Variants in RAD50 observed in about 807,000 individuals in gnomAD.
The protein encoded by RAD50 is RAD50 double strand break repair protein.
In RAD50, 132 loss-of-function variants were observed where a neutral mutation model predicts 168.8. The observed-to-expected ratio is 0.78, with a 90% CI of 0.68 to 0.90. The LOEUF is 0.90. Ranked by LOEUF, RAD50 falls within the 40% of genes least tolerant of loss-of-function variation. The pLI is 0.00. For missense variants in RAD50, 1,347 were observed against 1,534.4 expected, an observed-to-expected ratio of 0.88 and a Z score of 2.04; for synonymous variants, 525 against 497.4, an observed-to-expected ratio of 1.06 and a Z score of -0.74.
At chr5:132,559,388 T>C in intron 2 of RAD50, 21 bp downstream of exon 2, 3 of 1,590,690 alleles carry the variant, frequency 1.9e-6, no homozygotes, top group Non-Finnish European at 2.6e-6. Flanking sequence ...TAGTACAATT[T>C]TGTATTTTTA....
intron 13 of RAD50, chr5:132,600,142 A>C (rs1320592659): frequency 1.3e-5 from 2 of 152,234 alleles, no homozygotes; most frequent in Non-Finnish European, 2.9e-5. Flanking sequence ...AGTGCAGGTA[A>C]TACAGCAGTA....
At chr5:132,604,118 T>G (rs952721330) in intron 15 of RAD50, 72 bp downstream of exon 15, 2 of 1,560,884 alleles carry the variant, frequency 1.3e-6, no homozygotes, top group African/African-American at 1.4e-5. Context: ...TACAGTCAAT[T>G]TTATATCTGT....
intron 21 of RAD50, among the ~76,000 whole-genome samples, chr5:132,632,315 T>C: frequency 6.6e-6 from 1 of 152,248 alleles, no homozygotes; most frequent in East Asian, 1.9e-4. Context: ...CACTTCAAGG[T>C]AGACTTAGGC....
chr5:132,642,301 C>T lies in RAD50; in HGVS notation c.3876C>T (p.Asn1292=), dbSNP rs1300783013. The T allele has an allele frequency of 6.2e-7, 1 of 1,613,888 alleles. No individual in the cohort carries two copies. Among genetic ancestry groups the T allele is most frequent in the Admixed American group, 1.7e-5 (1 of 59,998 alleles). Residue 1292 remains asparagine (N), a synonymous_variant, in exon 25 of 25, where the codon AAC becomes AAT. Coordinates refer to ENST00000378823, the MANE Select transcript of RAD50 (RefSeq NM_005732.4). ...YVEKFYRIKK[N]IDQCSEIVKC... is the part of the protein sequence containing the mutation. ...AGAAATTCTACAGGATTAAAAAGAACATCGATCAGTGCTCAGAGATTGTGA... is the reference window on the plus strand; with the variant it reads ...AGAAATTCTACAGGATTAAAAAGAATATCGATCAGTGCTCAGAGATTGTGA...
In RAD50 at chr5:132,594,896, T is replaced by TA. The variant is rs1554098584; in HGVS notation, c.1826dup (p.Asn609LysfsTer5). ...AGGAACTAGCTTCATCTGAGCAGAA[T>TA]AAAAATCATATAAATAATGAACTAA... On this transcript the variant is annotated frameshift_variant, in exon 12 of 25. Transcript: ENST00000378823. LOFTEE classifies it high-confidence loss of function. 4.4e-6 allele frequency: 7 copies of TA among 1,605,294 alleles called. No homozygotes were observed. Among genetic ancestry groups the TA allele is most frequent in the Non-Finnish European group, 6.0e-6 (7 of 1,172,082 alleles).
intron 24 of RAD50, among the ~76,000 whole-genome samples, chr5:132,641,365 C>G (rs1207878963): frequency 6.6e-6 from 1 of 152,166 alleles, no homozygotes; most frequent in East Asian, 1.9e-4. Context: ...TGCATAAGGA[C>G]TATGCTGGCA....
chr5:132,640,462 A>ATGAT (rs567960894), intron 23 of RAD50, among the ~76,000 whole-genome samples: 26 of 152,322 alleles, frequency 1.7e-4, no homozygotes, highest in African/African-American at 5.8e-4. Context: ...TTTGTGGTGA[A>ATGAT]TGATAGGCTG....
At chr5:132,560,157 C>T (rs2706338) in intron 2 of RAD50, among the ~76,000 whole-genome samples, 25,322 of 151,946 alleles carry the variant, frequency 0.17, 2,426 homozygotes, top group Non-Finnish European at 0.21. Flanking sequence ...ACTATGTTTT[C>T]GTTACGTATT....
In RAD50 at chr5:132,557,301, G is replaced by C. The variant is rs1561626878; in HGVS notation, c.-24G>C. 2 of 1,613,844 alleles carry C rather than the reference G, an allele frequency of 1.2e-6. 1 individual carries two copies. On this transcript the variant is annotated 5_prime_UTR_variant, in exon 1 of 25. Coordinates refer to ENST00000378823, the MANE Select transcript of RAD50 (RefSeq NM_005732.4). ...AGCCTTTGTGGGCTCCAGGTCCCTG[G>C]TGAGATTAGAAACGTTTGCAAACAT...
chr5:132,604,103 C>T, intron 15 of RAD50, 57 bp downstream of exon 15: 1 of 1,588,806 alleles, frequency 6.3e-7, no homozygotes, highest in South Asian at 1.1e-5. Flanking sequence ...CGAGCACATG[C>T]CTTTTACAGT....
intron 13 of RAD50, among the ~76,000 whole-genome samples, chr5:132,597,768 T>A (rs564536809): frequency 6.6e-6 from 1 of 152,318 alleles, no homozygotes; most frequent in Non-Finnish European, 1.5e-5. Context: ...AGTTTTGGGA[T>A]ACTTTGTTAT....
rs1429798210 is a variant in RAD50 at position 132,588,008 on chromosome 5, G to C, written c.970G>C (p.Asp324His). ...AAGGGAGAAAGAAAGGAAATTGGTAGACTGTCATCGTGAACTGGAAAAACT... is the reference window on the plus strand; with the variant it reads ...AAGGGAGAAAGAAAGGAAATTGGTACACTGTCATCGTGAACTGGAAAAACT... The part of the protein sequence containing the change: ...TVREKERKLV[D>H]CHRELEKLNK... The change falls in exon 7 of 25, where the codon GAC (aspartate) becomes CAC (histidine). Residue 324 changes from aspartate (D) to histidine (H), a missense_variant. Transcript: ENST00000378823. 6.2e-7 allele frequency: 1 copy of C among 1,611,418 alleles called. No individual in the cohort carries two copies. Among genetic ancestry groups the C allele is most frequent in the Non-Finnish European group, 8.5e-7 (1 of 1,177,720 alleles).
intron 16 of RAD50, among the ~76,000 whole-genome samples, chr5:132,605,469 C>A (rs1750968517): frequency 6.6e-6 from 1 of 151,540 alleles, no homozygotes; most frequent in Non-Finnish European, 1.5e-5. Flanking sequence ...CTCAGCCTCT[C>A]AAGTAGATGG....
At chr5:132,600,913 C>G (rs1193176418) in intron 13 of RAD50, among the ~76,000 whole-genome samples, 1 of 151,624 alleles carries the variant, frequency 6.6e-6, no homozygotes, top group Non-Finnish European at 1.5e-5. Context: ...ACATTGTACC[C>G]CATAAATGTT....
chr5:132,642,141 T>A, intron 24 of RAD50, 37 bp from the exon 25 acceptor site: 1 of 1,595,630 alleles, frequency 6.3e-7, no homozygotes, highest in Non-Finnish European at 8.6e-7. Context: ...GGGGTTATGC[T>A]CTTTACTAAT....
At chr5:132,567,045 C>CT (rs1178060006) in intron 2 of RAD50, among the ~76,000 whole-genome samples, 2 of 152,232 alleles carry the variant, frequency 1.3e-5, no homozygotes, top group Non-Finnish European at 2.9e-5. Context: ...GAAAAAAAGT[C>CT]TGTCAGTTTG....
At chr5:132,615,788 A>G (rs1751163987) in intron 19 of RAD50, among the ~76,000 whole-genome samples, 1 of 152,222 alleles carries the variant, frequency 6.6e-6, no homozygotes, top group Admixed American at 6.5e-5. Context: ...AAGCTGCGCT[A>G]CAGGAGGTAT....
chr5:132,624,210 A>G (rs755742840), intron 21 of RAD50, among the ~76,000 whole-genome samples: 17 of 152,172 alleles, frequency 1.1e-4, no homozygotes, highest in Non-Finnish European at 2.4e-4. Context: ...GCACCAAATG[A>G]GAACTTTTGT....
At chr5:132,569,978 G>A (rs1213767201) in intron 2 of RAD50, among the ~76,000 whole-genome samples, 1 of 152,176 alleles carries the variant, frequency 6.6e-6, no homozygotes, top group African/African-American at 2.4e-5. Context: ...AATGCTTAGA[G>A]AGATACGGTA....
Sources: gnomAD v4.1 joint callset for allele counts (sites outside exome capture counted in the v4.1 genomes callset) on GRCh38, gnomAD v4.1.1 for gene constraint, MANE v1.5 for transcripts, NCBI Gene and HGNC (gene_info 2026-07-23, HGNC 2026-07-21) for gene names.